The following SLC22A23 variants were observed in gnomAD, a reference collection of about 807,000 sequenced individuals.
SLC22A23 encodes the protein ion transporter protein.
SLC22A23 carries 26 observed loss-of-function variants against 61.0 expected under a neutral mutation model. That is an observed-to-expected ratio of 0.43 (90% CI 0.31 to 0.59). The LOEUF is 0.59. SLC22A23 is among the 20% of genes least tolerant of loss of function. SLC22A23 has a pLI of 0.11. For synonymous variants in SLC22A23, 430 were observed against 413.9 expected, an observed-to-expected ratio of 1.04 and a Z score of -0.47; for missense variants, 796 against 934.7, an observed-to-expected ratio of 0.85 and a Z score of 1.94.
Position 3,287,078 on chromosome 6 carries a change from C to T in SLC22A23, c.1327G>A (p.Gly443Arg), listed in dbSNP as rs778961106. ...VLCVNSLTGYGIHHCFARSMM... is the reference protein window; with the variant it reads ...VLCVNSLTGYRIHHCFARSMM... ...CTCCTGGCAAAGCAGTGGTGGATCC[C>T]GTACCCCGTCAGCCTGTGGAGACAT... Residue 443 changes from glycine (G) to arginine (R), a missense_variant, in exon 7 of 10, where the codon GGG becomes AGG. Coordinates refer to ENST00000406686, the MANE Select transcript of SLC22A23 (RefSeq NM_015482.2). 9.9e-6 allele frequency: 16 copies of T among 1,614,088 alleles called. No individual in the cohort carries two copies. Among genetic ancestry groups the T allele is most frequent in the Non-Finnish European group, 1.3e-5 (15 of 1,179,990 alleles).
At chr6:3,419,917 C>A (rs920421500) in intron 1 of SLC22A23, among the ~76,000 whole-genome samples, 2 of 152,178 alleles carry the variant, frequency 1.3e-5, no homozygotes, top group Non-Finnish European at 2.9e-5. Flanking sequence ...TCCTCCCTCT[C>A]CTGAACTAAT....
In SLC22A23 at chr6:3,333,353, C is replaced by T. The variant is rs1321719790; in HGVS notation, c.914-9351G>A. On this transcript the variant is annotated intron_variant, in intron 3 of 9. Transcript: ENST00000406686. The surrounding 1 kb of genome is among the most constrained non-coding windows in gnomAD (Gnocchi z 4.1). The stretch of plus-strand genomic sequence containing the variant: ...GGGTGATAGCTAATTTCACACCACA[C>T]GTGCCCCTCCAAGGGCTCCTGTTCC... 4.6e-5 allele frequency among the ~76,000 whole-genome samples: 7 copies of T among 152,174 alleles called. No individual in the cohort carries two copies. The highest frequency in any genetic ancestry group is 4.8e-5 in the African/African-American group (2 of 41,430).
chr6:3,418,331 T>C (rs1367036445), intron 1 of SLC22A23, among the ~76,000 whole-genome samples: 2 of 152,238 alleles, frequency 1.3e-5, no homozygotes, highest in African/African-American at 4.8e-5. Flanking sequence ...AATGAGTATA[T>C]TATGCTTCTA....
chr6:3,386,943 T>A lies in SLC22A23; in HGVS notation c.913+23245A>T, dbSNP rs1767351146. 6.6e-6 allele frequency among the ~76,000 whole-genome samples: 1 copy of A among 152,232 alleles called. No individual in the cohort carries two copies. The highest frequency in any genetic ancestry group is 6.5e-5 in the Admixed American group (1 of 15,290). On this transcript the variant is annotated intron_variant, in intron 3 of 9. Coordinates refer to ENST00000406686, the MANE Select transcript of SLC22A23 (RefSeq NM_015482.2). This position sits in a 1 kb window ranked among gnomAD's most constrained non-coding sequence, Gnocchi z 4.4. ...TCACTCAGACCACCACTCCAGCCTT[T>A]GAAATCAACAACAACCACACACAAC... is the stretch of plus-strand genomic sequence containing the variant.
At chr6:3,377,494 G>A (rs1305474520) in intron 3 of SLC22A23, among the ~76,000 whole-genome samples, 1 of 152,196 alleles carries the variant, frequency 6.6e-6, no homozygotes, top group Non-Finnish European at 1.5e-5. Context: ...GTGCCTGAAT[G>A]GTGCAGTGAC....
In SLC22A23 at chr6:3,435,850, C is replaced by T. The variant is rs116294763; in HGVS notation, c.655-19995G>A. ...GGCCCTAATCCAAGGTGACTGGTGT[C>T]CTTACAAGGAGAGATGAGGACACAG... On this transcript the variant is annotated intron_variant, in intron 1 of 9. Transcript: ENST00000406686. Among the ~76,000 whole-genome samples, 1,093 of 152,246 alleles carry T rather than the reference C, an allele frequency of 7.2e-3. 18 individuals are homozygous for T. The highest frequency in any genetic ancestry group is 0.025 in the African/African-American group (1,037 of 41,526).
intron 3 of SLC22A23, among the ~76,000 whole-genome samples, chr6:3,393,705 T>A (rs1767814885): frequency 6.6e-6 from 1 of 152,234 alleles, no homozygotes; most frequent in African/African-American, 2.4e-5. Context: ...ATTCTTTGGG[T>A]TCATGTTTAC....
chr6:3,435,047 A>T (rs1002296079), intron 1 of SLC22A23, among the ~76,000 whole-genome samples: 2 of 152,112 alleles, frequency 1.3e-5, no homozygotes, highest in Non-Finnish European at 2.9e-5. Flanking sequence ...CCAGGCAACA[A>T]GGGTGCTGGA....
rs527531909 is a variant in SLC22A23 at position 3,289,630 on chromosome 6, G to A, written c.1313+134C>T. ...GGGGGAGGTCAATATCTTCTAGCCC[G>A]TGTCACTCTTCACACACACACCCTT... On this transcript the variant is annotated intron_variant, in intron 6 of 9. Transcript: ENST00000406686. The A allele has an allele frequency of 3.4e-4, 240 of 707,120 alleles. 1 individual carries two copies. In the East Asian group the frequency reaches 5.8e-3, roughly 17 times the overall value. 43.8% of individuals were successfully genotyped at this position (707,120 alleles called of 1,614,324 possible). A position where few individuals can be genotyped will look rare whatever the true frequency, so the allele number is the denominator to read the frequency against.
intron 4 of SLC22A23, among the ~76,000 whole-genome samples, chr6:3,300,897 G>A (rs1179118304): frequency 1.3e-5 from 2 of 152,198 alleles, no homozygotes; most frequent in Admixed American, 6.5e-5. Flanking sequence ...GTCCTGCTGA[G>A]CAGGTGTGTG....
In SLC22A23 at chr6:3,273,048, G is replaced by A; in HGVS notation, c.*7C>T. 7 of 1,537,776 alleles carry A rather than the reference G, an allele frequency of 4.6e-6. No homozygotes were observed. Among genetic ancestry groups the A allele is most frequent in the Non-Finnish European group, 6.1e-6 (7 of 1,144,150 alleles). On this transcript the variant is annotated 3_prime_UTR_variant, in exon 10 of 10. Transcript: ENST00000406686. ...AGACCCTGGAGCCCCGGGTTCCGCA[G>A]GCCGGGCTACATGGCCTTCATGCCG...
chr6:3,298,327 C>G (rs1038467735), intron 4 of SLC22A23, 109 bp from the exon 5 acceptor site: 2 of 1,306,960 alleles, frequency 1.5e-6, no homozygotes, highest in East Asian at 5.5e-5. Flanking sequence ...CGGTCAGTCT[C>G]CAGACACGCA....
At chr6:3,283,229 C>T (rs934374125) in intron 9 of SLC22A23, among the ~76,000 whole-genome samples, 3 of 152,068 alleles carry the variant, frequency 2.0e-5, no homozygotes, top group African/African-American at 4.8e-5. Flanking sequence ...GTCAGGAGTT[C>T]GAGACCAGCC....
Position 3,324,989 on chromosome 6 carries a change from A to G in SLC22A23, c.914-987T>C, listed in dbSNP as rs923654184. Reference sequence around the variant, plus strand: ...TAGAAAAAGCAGCTGGGTTTTATATATATTATTTTCCCTACAGAGCATGTA... The same window carrying G: ...TAGAAAAAGCAGCTGGGTTTTATATGTATTATTTTCCCTACAGAGCATGTA... On this transcript the variant is annotated intron_variant, in intron 3 of 9. Transcript: ENST00000406686. The surrounding 1 kb of genome is among the most constrained non-coding windows in gnomAD (Gnocchi z 4.3). Among the ~76,000 whole-genome samples, 4 of 152,200 alleles carry G rather than the reference A, an allele frequency of 2.6e-5. No individual in the cohort carries two copies. The highest frequency in any genetic ancestry group is 2.1e-4 in the South Asian group (1 of 4,834).
intron 3 of SLC22A23, among the ~76,000 whole-genome samples, chr6:3,388,724 A>G (rs1357419325): frequency 6.6e-6 from 1 of 152,224 alleles, no homozygotes; most frequent in Non-Finnish European, 1.5e-5. Context: ...ACAATGGAAC[A>G]TGATACAGCC....
chr6:3,279,849 G>A (rs1759276100), intron 9 of SLC22A23, among the ~76,000 whole-genome samples: 2 of 152,028 alleles, frequency 1.3e-5, no homozygotes, highest in Admixed American at 1.3e-4. Context: ...AATACCCACG[G>A]GATATCTTTA....
intron 4 of SLC22A23, among the ~76,000 whole-genome samples, chr6:3,315,815 G>C (rs1200720380): frequency 6.6e-6 from 1 of 151,854 alleles, no homozygotes; most frequent in East Asian, 1.9e-4. Context: ...AGTGAGCTGA[G>C]ATCACGCCAC....
chr6:3,435,427 A>G (rs1176396254), intron 1 of SLC22A23, among the ~76,000 whole-genome samples: 2 of 137,870 alleles, frequency 1.5e-5, no homozygotes, highest in African/African-American at 5.6e-5. Flanking sequence ...GGGGACCCAC[A>G]CTCCCACCCC....
chr6:3,315,632 G>A (rs777563064), intron 4 of SLC22A23, among the ~76,000 whole-genome samples: 10 of 152,228 alleles, frequency 6.6e-5, no homozygotes, highest in Non-Finnish European at 1.0e-4. Flanking sequence ...TTGGGAGGCC[G>A]AGGCAGGCGG....
Sources: allele counts gnomAD v4.1 joint callset (sites outside exome capture counted in the v4.1 genomes callset), GRCh38; gene constraint gnomAD v4.1.1; non-coding constraint Gnocchi (gnomAD v3.1); transcripts MANE v1.5; gene names NCBI Gene and HGNC (gene_info 2026-07-23, HGNC 2026-07-21).